The following CCNY variants were observed in gnomAD, a reference collection of about 807,000 sequenced individuals.
CCNY encodes cyclin Y.
CCNY carries 19 observed loss-of-function variants against 42.8 expected under a neutral mutation model. That is an observed-to-expected ratio of 0.44 (90% CI 0.31 to 0.65). CCNY has a LOEUF of 0.65. Ranked by LOEUF, CCNY falls within the 30% of genes least tolerant of loss-of-function variation. The pLI, the probability that CCNY is intolerant of heterozygous loss-of-function variation, is 0.07. For synonymous variants in CCNY, 165 were observed against 162.7 expected (o/e 1.01, Z -0.11); for missense variants, 370 against 437.3 (o/e 0.85, Z 1.37).
chr10:35,452,601 C>T (rs1043219804), intron 1 of CCNY, among the ~76,000 whole-genome samples: 4 of 152,012 alleles, frequency 2.6e-5, no homozygotes, highest in Non-Finnish European at 2.9e-5. Flanking sequence ...TAAGTGACTG[C>T]TGAGGTTCTC....
chr10:35,268,158 A>G (rs12264007), intron 3 of CCNY, among the ~76,000 whole-genome samples: 1,954 of 151,918 alleles, frequency 0.013, 45 homozygotes, highest in African/African-American at 0.045. Flanking sequence ...GCCTCCCAAA[A>G]TGCTGGGATT....
At chr10:35,405,169 AAGG>A (rs1231605762) in intron 1 of CCNY, among the ~76,000 whole-genome samples, 5 of 152,302 alleles carry the variant, frequency 3.3e-5, no homozygotes, top group Middle Eastern at 3.4e-3. Flanking sequence ...GGGGAATTGT[AAGG>A]AGAGTTTACA....
At chr10:35,465,934 A>AGTGTGT in intron 1 of CCNY, among the ~76,000 whole-genome samples, 1 of 85,546 alleles carries the variant, frequency 1.2e-5, no homozygotes, top group East Asian at 3.9e-4. Flanking sequence ...AGAGAGAGAG[A>AGTGTGT]GAGAGTGTGT....
chr10:35,259,019 GA>G (rs1218184460), intron 3 of CCNY, among the ~76,000 whole-genome samples: 2 of 151,568 alleles, frequency 1.3e-5, no homozygotes, highest in Admixed American at 6.6e-5. Flanking sequence ...ACCGCACCAA[GA>G]GCTGAAATTG....
intron 3 of CCNY, among the ~76,000 whole-genome samples, chr10:35,514,674 T>G (rs1017768930): frequency 1.7e-4 from 26 of 152,334 alleles, no homozygotes; most frequent in African/African-American, 4.6e-4. Context: ...TACATTTTAA[T>G]CTGGAAGGAG....
At chr10:35,268,949 TA>T (rs2095728336) in intron 3 of CCNY, among the ~76,000 whole-genome samples, 1 of 152,226 alleles carries the variant, frequency 6.6e-6, no homozygotes, top group Admixed American at 6.5e-5. Flanking sequence ...AAGGGCCTGG[TA>T]GCCCTGGAGA....
rs543671065 is a variant in CCNY, at chr10:35,325,366, A to AG, written c.-9+74744dup. ...GCTAATTTTTTTATTTTTAGTAGAGAGGGGTTTCACCACGTTGGCCAGGCT... is the reference window on the plus strand; with the variant it reads ...GCTAATTTTTTTATTTTTAGTAGAGAGGGGGTTTCACCACGTTGGCCAGGCT... On this transcript the variant is annotated intron_variant, in intron 3 of 11. Coordinates refer to the CCNY transcript ENST00000374706. Among the ~76,000 whole-genome samples the AG allele has an allele frequency of 2.7e-3, 404 of 151,844 alleles. 3 individuals carry two copies. Among genetic ancestry groups the AG allele is most frequent in the Middle Eastern group, 0.01 (3 of 292 alleles).
chr10:35,515,599 G>GT lies in CCNY; in HGVS notation c.265-917dup, dbSNP rs1335800848. 2.0e-5 allele frequency among the ~76,000 whole-genome samples: 3 copies of GT among 152,304 alleles called. No individual in the cohort carries two copies. In the East Asian group the frequency reaches 5.8e-4, roughly 29 times the overall value. On this transcript the variant is annotated intron_variant, in intron 3 of 9. Coordinates refer to ENST00000374704, the MANE Select transcript of CCNY (RefSeq NM_145012.6). The stretch of plus-strand genomic sequence containing the variant: ...ATTGTGATCCCCAAGGGATTATTAA[G>GT]TTTTTTTGTTGCTGAAAATGACACT...
intron 1 of CCNY, among the ~76,000 whole-genome samples, chr10:35,361,529 T>C (rs916552954): frequency 2.6e-5 from 4 of 152,252 alleles, no homozygotes; most frequent in Admixed American, 6.5e-5. Context: ...CATTTCCTTA[T>C]TTCTAAAAGT....
chr10:35,447,691 G>A (rs1838823495), intron 1 of CCNY, among the ~76,000 whole-genome samples: 1 of 152,160 alleles, frequency 6.6e-6, no homozygotes, highest in Admixed American at 6.5e-5. Context: ...TAGCATTTCT[G>A]CCATGAAATG....
At chr10:35,322,318 C>T (rs1366124680) in intron 3 of CCNY, among the ~76,000 whole-genome samples, 1 of 149,102 alleles carries the variant, frequency 6.7e-6, no homozygotes, top group Non-Finnish European at 1.5e-5. Flanking sequence ...CACGTCACTA[C>T]ACTCCAGCCT....
chr10:35,274,204 G>T (rs113695424), intron 3 of CCNY, among the ~76,000 whole-genome samples: 4,862 of 152,230 alleles, frequency 0.032, 240 homozygotes, highest in African/African-American at 0.11. Context: ...GGGATAATGA[G>T]AACCAAGTGA....
chr10:35,500,907 G>GT (rs1249460116), intron 2 of CCNY, among the ~76,000 whole-genome samples: 1 of 152,138 alleles, frequency 6.6e-6, no homozygotes, highest in Non-Finnish European at 1.5e-5. Flanking sequence ...ATCAATTATG[G>GT]TGACCTCTGT....
At chr10:35,412,695 C>CAAA (rs397845404) in intron 1 of CCNY, among the ~76,000 whole-genome samples, 6 of 126,150 alleles carry the variant, frequency 4.8e-5, no homozygotes, top group African/African-American at 1.8e-4. Flanking sequence ...TACTAAAATA[C>CAAA]AAAAAAAAAA....
At chr10:35,318,217 A>G (rs1368536971) in intron 3 of CCNY, among the ~76,000 whole-genome samples, 3 of 151,586 alleles carry the variant, frequency 2.0e-5, no homozygotes, top group African/African-American at 2.4e-5. Flanking sequence ...GACAGAGCAG[A>G]CCCTATTTCT....
intron 1 of CCNY, among the ~76,000 whole-genome samples, chr10:35,415,534 G>T (rs866942065): frequency 4.6e-5 from 7 of 152,222 alleles, no homozygotes; most frequent in Admixed American, 1.3e-4. Flanking sequence ...AGGGCAGAAG[G>T]GCTTTTAGCC....
chr10:35,478,413 A>G (rs1009797223), intron 1 of CCNY, among the ~76,000 whole-genome samples: 4 of 151,432 alleles, frequency 2.6e-5, no homozygotes, highest in African/African-American at 9.7e-5. Flanking sequence ...AGTAACCAAA[A>G]CAGCATGGTA....
At chr10:35,500,521 T>C (rs538768172) in intron 2 of CCNY, among the ~76,000 whole-genome samples, 12 of 152,360 alleles carry the variant, frequency 7.9e-5, no homozygotes, top group African/African-American at 2.9e-4. Flanking sequence ...CCTTCTTCTA[T>C]CTTTTGTACA....
intron 4 of CCNY, among the ~76,000 whole-genome samples, chr10:35,520,416 T>G (rs1020938636): frequency 6.6e-6 from 1 of 152,140 alleles, no homozygotes; most frequent in Non-Finnish European, 1.5e-5. Context: ...CAGGTCCTCT[T>G]GCACCCTACT....
Sources: gnomAD v4.1 joint callset for allele counts (sites outside exome capture counted in the v4.1 genomes callset) on GRCh38, gnomAD v4.1.1 for gene constraint, MANE v1.5 for transcripts, NCBI Gene and HGNC (gene_info 2026-07-23, HGNC 2026-07-21) for gene names.